The following FEZ2 variants were observed in gnomAD, a reference collection of about 807,000 sequenced individuals.
FEZ2 encodes the protein fasciculation and elongation protein zeta 2, also known as fasciculation and elongation protein zeta-2.
Under a neutral mutation model 40.4 loss-of-function variants are expected in FEZ2, and 51 were observed. That is an observed-to-expected ratio of 1.26 (90% CI 1.01 to 1.59). The LOEUF (loss-of-function observed/expected upper bound fraction) is 1.59. FEZ2 is among the 40% of genes most tolerant of loss of function. The probability of loss-of-function intolerance (pLI) is 0.00; values close to 1 mark genes in which losing one functional copy is unlikely to be tolerated. For missense variants in FEZ2, 640 were observed against 438.3 expected, an observed-to-expected ratio of 1.46 and a Z score of -4.11; for synonymous variants, 242 against 172.0, an observed-to-expected ratio of 1.41 and a Z score of -3.18.
In FEZ2 at chr2:36,583,880, T is replaced by G. The variant is rs115556943; in HGVS notation, c.376-411A>C. ...TGCAAACTAACTTCTAATATCTGAG[T>G]AAAAGATGATCAACTCCCTGAAAGG... On this transcript the variant is annotated intron_variant, in intron 2 of 7. Coordinates refer to ENST00000405912, the MANE Select transcript of FEZ2 (RefSeq NM_005102.3). 6.9e-3 allele frequency: 1,125 copies of G among 162,408 alleles called. 15 individuals carry two copies. Among genetic ancestry groups the G allele is most frequent in the African/African-American group, 0.026 (1,073 of 41,608 alleles). 10.1% of individuals were successfully genotyped at this position (162,408 alleles called of 1,614,324 possible). A position where few individuals can be genotyped will look rare whatever the true frequency, so the allele number is the denominator to read the frequency against.
At chr2:36,554,791 A>C (rs922106818) in intron 7 of FEZ2, among the ~76,000 whole-genome samples, 38 of 152,162 alleles carry the variant, frequency 2.5e-4, no homozygotes, top group Non-Finnish European at 5.0e-4. Flanking sequence ...GGTTTAAGAA[A>C]AGACCATCAG....
rs183536452 is a variant in FEZ2, at chr2:36,572,192, T to C, written c.903+6405A>G. Among the ~76,000 whole-genome samples the C allele has an allele frequency of 1.1e-4, 17 of 152,220 alleles. No homozygotes were observed. In the East Asian group the frequency reaches 3.3e-3, roughly 29 times the overall value. ...ACACTGGTCTACCTGCTCACTCTCT[T>C]TACCTAGCCACCGGGATTCAGACAC... On this transcript the variant is annotated intron_variant, in intron 5 of 7. Coordinates refer to ENST00000405912, the MANE Select transcript of FEZ2 (RefSeq NM_005102.3).
chr2:36,585,839 G>A (rs941127766), intron 2 of FEZ2, among the ~76,000 whole-genome samples: 2 of 152,138 alleles, frequency 1.3e-5, no homozygotes, highest in Non-Finnish European at 2.9e-5. Context: ...GGACAGAAGA[G>A]AGCTAAACCT....
chr2:36,577,638 G>C (rs967550066), intron 5 of FEZ2, among the ~76,000 whole-genome samples: 15 of 152,208 alleles, frequency 9.9e-5, no homozygotes, highest in Non-Finnish European at 2.1e-4. Context: ...CATAATAAAT[G>C]AGCTATATGG....
chr2:36,571,283 C>CT (rs1668402419), intron 5 of FEZ2, among the ~76,000 whole-genome samples: 2 of 152,164 alleles, frequency 1.3e-5, no homozygotes. Flanking sequence ...TTAGTAAATG[C>CT]TTTGCACTAA....
chr2:36,598,067 A>T lies in FEZ2; in HGVS notation c.76T>A (p.Cys26Ser). Residue 26 changes from cysteine (C) to serine (S), a missense_variant, in exon 1 of 8, where the codon TGT becomes AGT. Coordinates refer to ENST00000405912, the MANE Select transcript of FEZ2 (RefSeq NM_005102.3). Reference sequence around the variant, plus strand: ...GCCCCAGGCTCGGGGCTCGCGTTACAGTTCTCCTGGTCCAGGAGGCTCCGG... The same window carrying T: ...GCCCCAGGCTCGGGGCTCGCGTTACTGTTCTCCTGGTCCAGGAGGCTCCGG... ...PARSLLDQEN[C>S]NASPEPGAEA... 3 of 1,488,508 alleles carry T rather than the reference A, an allele frequency of 2.0e-6. No homozygotes were observed. Among genetic ancestry groups the T allele is most frequent in the South Asian group, 2.5e-5 (2 of 80,772 alleles). The allele number at this position is 1,488,508 out of a possible 1,614,324, so 92.2% of individuals were successfully genotyped here.
chr2:36,581,316 C>G lies in FEZ2; in HGVS notation c.608G>C (p.Arg203Thr), dbSNP rs1245916648. ...MLSQEIQTLK[R>T]SSTGSYEERV... ...CTCTTCATAACTGCCGGTACTAGAC[C>G]TCTTGAGAGTTTGAATTTCCTGGGA... Residue 203 changes from arginine to threonine, a missense_variant, in exon 4 of 8, where the codon AGG (arginine) becomes ACG (threonine). Transcript: ENST00000405912. 6.2e-7 allele frequency: 1 copy of G among 1,613,730 alleles called. No individual in the cohort carries two copies. The highest frequency in any genetic ancestry group is 1.3e-5 in the African/African-American group (1 of 74,894).
At position 36,570,225 on chromosome 2, in the gene FEZ2, TA is replaced by T. The variant is rs201257514; in HGVS notation, c.903+8371del. 9.8e-3 allele frequency among the ~76,000 whole-genome samples: 1,493 copies of T among 152,022 alleles called. 15 individuals carry two copies. The highest frequency in any genetic ancestry group is 0.016 in the Non-Finnish European group (1,102 of 67,934). ...AAGCAAATTCTACCAAAAATTTTTT[TA>T]AAAAAACAGATCTAAGTAAATTAGA... On this transcript the variant is annotated intron_variant, in intron 5 of 7. Transcript: ENST00000405912.
chr2:36,552,361 T>C lies in FEZ2; in HGVS notation c.*802A>G. The stretch of plus-strand genomic sequence containing the variant: ...CATAAGTAGCTGTATCTAGAATTCA[T>C]ACTTAAGAAAAACACACAGGCATGA... On this transcript the variant is annotated 3_prime_UTR_variant, in exon 8 of 8. Coordinates refer to ENST00000405912, the MANE Select transcript of FEZ2 (RefSeq NM_005102.3). The C allele has an allele frequency of 2.7e-6, 1 of 373,844 alleles. No individual in the cohort carries two copies. The highest frequency in any genetic ancestry group is 5.2e-6 in the Non-Finnish European group (1 of 193,642). The allele number at this position is 373,844 out of a possible 1,614,324, so 23.2% of individuals were successfully genotyped here. A position where few individuals can be genotyped will look rare whatever the true frequency, so the allele number is the denominator to read the frequency against.
chr2:36,586,002 TTTTCA>T (rs1447562212), intron 2 of FEZ2, among the ~76,000 whole-genome samples: 2 of 152,356 alleles, frequency 1.3e-5, no homozygotes, highest in African/African-American at 2.4e-5. Context: ...AGAGACTGCC[TTTTCA>T]TTTAAGTCCT....
chr2:36,558,457 A>G lies in FEZ2; in HGVS notation c.960T>C (p.Asp320=), dbSNP rs541119817. ...EKKNGPPSVE[D]LQILTKILRA... ...GCTCACTTTTTGTTAATATTTGAAGATCTTCAACAGACGGTGGTCCGTTTT... is the reference window on the plus strand; with the variant it reads ...GCTCACTTTTTGTTAATATTTGAAGGTCTTCAACAGACGGTGGTCCGTTTT... Residue 320 remains aspartate, a synonymous_variant, in exon 6 of 8, where the codon GAT becomes GAC. Transcript: ENST00000405912. 12 of 1,529,732 alleles carry G rather than the reference A, an allele frequency of 7.8e-6. No individual in the cohort carries two copies. Among genetic ancestry groups the G allele is most frequent in the Non-Finnish European group, 1.1e-5 (12 of 1,134,584 alleles). 94.8% of individuals were successfully genotyped at this position (1,529,732 alleles called of 1,614,324 possible). A position where few individuals can be genotyped will look rare whatever the true frequency, so the allele number is the denominator to read the frequency against.
intron 1 of FEZ2, chr2:36,591,496 C>T (rs541563568): frequency 6.5e-6 from 1 of 152,680 alleles, no homozygotes; most frequent in African/African-American, 2.4e-5. Flanking sequence ...CAGACCATTT[C>T]AAAAAGTGAA....
At chr2:36,578,919 G>C (rs1261499809) in intron 4 of FEZ2, 54 bp from the exon 5 acceptor site, 1 of 1,470,566 alleles carries the variant, frequency 6.8e-7, no homozygotes, top group African/African-American at 1.4e-5. Context: ...TTTCAAGGAA[G>C]CAAAACAGAG....
At position 36,597,899 on chromosome 2, in the gene FEZ2, G is replaced by A. The variant is rs769250174; in HGVS notation, c.244C>T (p.Arg82Cys). The A allele has an allele frequency of 7.2e-6, 10 of 1,393,426 alleles. No individual in the cohort carries two copies. In the East Asian group the frequency reaches 1.2e-4, roughly 17 times the overall value. The allele number at this position is 1,393,426 out of a possible 1,614,324, so 86.3% of individuals were successfully genotyped here. Reference protein sequence around the residue: ...PRTAVRPITERSLLQGDEIWN... With the variant: ...PRTAVRPITECSLLQGDEIWN... ...CACTCGTCCCCCTGCAGGAGGCTGC[G>A]CTCCGTGATGGGCCGCACGGCCGTC... The change falls in exon 1 of 8, where the codon CGC becomes TGC. Residue 82 changes from arginine (R) to cysteine (C), a missense_variant. Physicochemically the swap from Arg to Cys is radical, Grantham distance 180 (BLOSUM62 -3). Transcript: ENST00000405912.
At chr2:36,569,817 T>C (rs1211494694) in intron 5 of FEZ2, among the ~76,000 whole-genome samples, 1 of 152,170 alleles carries the variant, frequency 6.6e-6, no homozygotes, top group Non-Finnish European at 1.5e-5. Flanking sequence ...CATTTTAAAA[T>C]CTCAATATCA....
In FEZ2 at chr2:36,598,088, T is replaced by A; in HGVS notation, c.55A>T (p.Ser19Cys). ...TTACAGTTCTCCTGGTCCAGGAGGC[T>A]CCGGGCCGGCTCCTGGAACTCATAG... is the stretch of plus-strand genomic sequence containing the variant. ...DFYEFQEPAR[S>C]LLDQENCNAS... Residue 19 changes from serine to cysteine, a missense_variant, in exon 1 of 8, where the codon AGC becomes TGC. Ser to Cys is a moderately radical substitution (Grantham distance 112, BLOSUM62 -1). Transcript: ENST00000405912. The A allele has an allele frequency of 6.7e-7, 1 of 1,486,030 alleles. No homozygotes were observed. 92.1% of individuals were successfully genotyped at this position (1,486,030 alleles called of 1,614,324 possible). A position where few individuals can be genotyped will look rare whatever the true frequency, so the allele number is the denominator to read the frequency against.
intron 5 of FEZ2, chr2:36,559,214 T>A (rs1254045651): frequency 6.6e-6 from 1 of 152,242 alleles, no homozygotes; most frequent in African/African-American, 2.4e-5. Flanking sequence ...CCTAGTTCAC[T>A]ACTTGTAAAG....
intron 7 of FEZ2, 36 bp from the exon 8 acceptor site, chr2:36,553,215 T>C (rs1312211097): frequency 7.0e-7 from 1 of 1,427,304 alleles, no homozygotes; most frequent in Non-Finnish European, 9.7e-7. Flanking sequence ...TACAAATGTA[T>C]ATTTTGTATA....
intron 5 of FEZ2, among the ~76,000 whole-genome samples, chr2:36,560,275 G>A (rs574312441): frequency 2.6e-5 from 4 of 152,148 alleles, no homozygotes; most frequent in Admixed American, 2.6e-4. Context: ...AGACAACTGA[G>A]TTGGCTGACT....
Sources: gnomAD v4.1 joint callset for allele counts (sites outside exome capture counted in the v4.1 genomes callset) on GRCh38, gnomAD v4.1.1 for gene constraint, MANE v1.5 for transcripts, NCBI Gene and HGNC (gene_info 2026-07-23, HGNC 2026-07-21) for gene names.